The following DGKB variants were observed in gnomAD, a reference collection of about 807,000 sequenced individuals.
DGKB encodes the protein diacylglycerol kinase beta.
DGKB carries 67 observed loss-of-function variants against 114.3 expected under a neutral mutation model. The observed-to-expected ratio is 0.59, with a 90% CI of 0.48 to 0.72. The LOEUF is 0.72. DGKB is among the 30% of genes least tolerant of loss of function. The probability of loss-of-function intolerance (pLI) is 0.00; values close to 1 mark genes in which losing one functional copy is unlikely to be tolerated. For synonymous variants in DGKB, 398 were observed against 323.1 expected (o/e 1.23, Z -2.49); for missense variants, 907 against 975.2 (o/e 0.93, Z 0.93).
At chr7:14,569,852 T>C (rs1483800730) in intron 20 of DGKB, among the ~76,000 whole-genome samples, 2 of 151,788 alleles carry the variant, frequency 1.3e-5, no homozygotes, top group Non-Finnish European at 1.5e-5. Context: ...ATGTCTCCAT[T>C]TATTCTGATC....
intron 2 of DGKB, among the ~76,000 whole-genome samples, chr7:14,771,105 C>T (rs1562493055): frequency 6.6e-6 from 1 of 152,088 alleles, no homozygotes; most frequent in Non-Finnish European, 1.5e-5. Flanking sequence ...ATAAGGGTAG[C>T]CACCCCTGGC....
intron 14 of DGKB, among the ~76,000 whole-genome samples, chr7:14,623,351 G>T (rs1807986533): frequency 6.6e-6 from 1 of 152,068 alleles, no homozygotes; most frequent in Non-Finnish European, 1.5e-5. Context: ...AATTTAGAAA[G>T]ATCGGATTTT....
chr7:14,629,868 AG>A (rs1809364459), intron 14 of DGKB, among the ~76,000 whole-genome samples: 1 of 152,120 alleles, frequency 6.6e-6, no homozygotes, highest in African/African-American at 2.4e-5. Flanking sequence ...GATGGCTCAA[AG>A]AATAAATTCT....
intron 1 of DGKB, among the ~76,000 whole-genome samples, chr7:14,917,500 A>G: frequency 6.6e-6 from 1 of 152,140 alleles, no homozygotes; most frequent in Non-Finnish European, 1.5e-5. Context: ...ACACAACTCT[A>G]TTCTCACAAA....
chr7:14,488,664 AG>A, intron 20 of DGKB, among the ~76,000 whole-genome samples: 1 of 149,930 alleles, frequency 6.7e-6, no homozygotes, highest in African/African-American at 2.4e-5. Flanking sequence ...AAAAAAAAAA[AG>A]TATATATATA....
intron 20 of DGKB, 80 bp from the exon 21 acceptor site, chr7:14,478,305 A>G: frequency 1.2e-6 from 1 of 853,012 alleles, no homozygotes. Flanking sequence ...AAATAAAAAA[A>G]TAACATTTCA....
chr7:14,593,944 T>A (rs912240644), intron 17 of DGKB, among the ~76,000 whole-genome samples: 1 of 152,038 alleles, frequency 6.6e-6, no homozygotes. Context: ...AACTTTGAAA[T>A]GACCAATCTG....
At chr7:14,700,258 G>C (rs1824911413) in intron 7 of DGKB, among the ~76,000 whole-genome samples, 1 of 148,694 alleles carries the variant, frequency 6.7e-6, no homozygotes, top group African/African-American at 2.5e-5. Context: ...CTCTCGCCCA[G>C]GCTGGAGTGC....
Position 14,281,441 on chromosome 7 carries a change from A to G in DGKB, c.2122+57074T>C, listed in dbSNP as rs1317522218. On this transcript the variant is annotated intron_variant, in intron 23 of 25. Transcript: ENST00000402815. ...ACTTTAACACCCCACTGTCAACATT[A>G]GACAGATCAATGAGACAGAAAGTCA... Among the ~76,000 whole-genome samples the G allele has an allele frequency of 2.1e-5, 3 of 143,362 alleles. No individual in the cohort carries two copies. The East Asian group carries it at 6.3e-4, about 30-fold the overall frequency. 94.1% of individuals were successfully genotyped at this position (143,362 alleles called of 152,430 possible). A position where few individuals can be genotyped will look rare whatever the true frequency, so the allele number is the denominator to read the frequency against.
intron 13 of DGKB, among the ~76,000 whole-genome samples, chr7:14,665,016 T>A (rs1207208542): frequency 1.3e-5 from 2 of 151,986 alleles, no homozygotes; most frequent in Non-Finnish European, 1.5e-5. Context: ...AAGGTACCTT[T>A]AAGAAATAAA....
At chr7:14,825,633 T>C (rs966321886) in intron 2 of DGKB, among the ~76,000 whole-genome samples, 1 of 152,130 alleles carries the variant, frequency 6.6e-6, no homozygotes, top group Non-Finnish European at 1.5e-5. Context: ...GAAATTTCAC[T>C]GGCTCACCTG....
intron 1 of DGKB, among the ~76,000 whole-genome samples, chr7:14,875,068 G>C (rs1334923906): frequency 6.6e-6 from 1 of 152,016 alleles, no homozygotes; most frequent in East Asian, 1.9e-4. Context: ...GAAGTTTGGT[G>C]TACCACTAAA....
chr7:14,281,766 G>A (rs1799998184), intron 23 of DGKB, among the ~76,000 whole-genome samples: 1 of 152,006 alleles, frequency 6.6e-6, no homozygotes, highest in Admixed American at 6.6e-5. Flanking sequence ...TGACTGTTGG[G>A]TACATAACGA....
chr7:14,546,479 G>T (rs1794302599), intron 20 of DGKB, among the ~76,000 whole-genome samples: 1 of 152,110 alleles, frequency 6.6e-6, no homozygotes, highest in Non-Finnish European at 1.5e-5. Context: ...GCATGGAACT[G>T]GTGCAGTGCA....
In DGKB at chr7:14,511,202, T is replaced by C. The variant is rs144179643; in HGVS notation, c.1771-32977A>G. 2.2e-3 allele frequency among the ~76,000 whole-genome samples: 338 copies of C among 152,346 alleles called. 1 individual carries two copies. The highest frequency in any genetic ancestry group is 7.7e-3 in the African/African-American group (320 of 41,586). ...TTTCTCTAGCCATGAAAGTCCTAGA[T>C]AGCATCTTCTTCAGTAAAAGTCTGT... On this transcript the variant is annotated intron_variant, in intron 20 of 25. Coordinates refer to ENST00000402815, the MANE Select transcript of DGKB (RefSeq NM_001350709.2).
chr7:14,778,652 G>GA (rs1294525880), intron 2 of DGKB, among the ~76,000 whole-genome samples: 4 of 152,132 alleles, frequency 2.6e-5, no homozygotes, highest in African/African-American at 9.7e-5. Flanking sequence ...TTTACTAACA[G>GA]AAAAACATAC....
chr7:14,265,140 A>ATT (rs35138234), intron 23 of DGKB, among the ~76,000 whole-genome samples: 68,244 of 142,392 alleles, frequency 0.48, 18,494 homozygotes, highest in East Asian at 0.78. Context: ...TCCGGAGATC[A>ATT]TTTTTTTTTT....
At chr7:14,157,623 T>G (rs929725334) in intron 25 of DGKB, among the ~76,000 whole-genome samples, 25 of 152,216 alleles carry the variant, frequency 1.6e-4, no homozygotes, top group African/African-American at 2.4e-5. Flanking sequence ...ATGGGAAATA[T>G]TCATACCTGG....
At chr7:14,959,982 C>T (rs1361387972) in intron 1 of DGKB, among the ~76,000 whole-genome samples, 1 of 152,016 alleles carries the variant, frequency 6.6e-6, no homozygotes, top group African/African-American at 2.4e-5. Flanking sequence ...TCTTTCATCA[C>T]TTTTGCACAA....
Sources: gnomAD v4.1 joint callset for allele counts (sites outside exome capture counted in the v4.1 genomes callset) on GRCh38, gnomAD v4.1.1 for gene constraint, MANE v1.5 for transcripts, NCBI Gene and HGNC (gene_info 2026-07-23, HGNC 2026-07-21) for gene names.